The following CACNA2D3 variants were observed in gnomAD, a reference collection of about 807,000 sequenced individuals.
CACNA2D3 encodes the protein voltage-dependent calcium channel subunit alpha-2/delta-3.
Under a neutral mutation model 160.6 loss-of-function variants are expected in CACNA2D3, and 60 were observed. The ratio of observed to expected loss-of-function variants is 0.37; its 90% CI spans 0.30 to 0.46. The LOEUF (loss-of-function observed/expected upper bound fraction) is 0.46. CACNA2D3 is among the 20% of genes least tolerant of loss of function. CACNA2D3 has a pLI of 1.00. For synonymous variants in CACNA2D3, 558 were observed against 492.9 expected, an observed-to-expected ratio of 1.13 and a Z score of -1.75; for missense variants, 1,205 against 1,365.0, an observed-to-expected ratio of 0.88 and a Z score of 1.85.
intron 3 of CACNA2D3, among the ~76,000 whole-genome samples, chr3:54,327,534 C>T (rs1399681180): frequency 5.3e-5 from 8 of 152,192 alleles, no homozygotes; most frequent in East Asian, 1.9e-4. Flanking sequence ...TTGGACTAAA[C>T]GCTTTCCATT....
At chr3:54,174,532 A>G (rs1048945283) in intron 2 of CACNA2D3, among the ~76,000 whole-genome samples, 2 of 149,600 alleles carry the variant, frequency 1.3e-5, no homozygotes, top group Non-Finnish European at 3.0e-5. Context: ...AGCTTGAACT[A>G]TTTTTTTTTT....
chr3:54,300,042 C>A (rs779447598), intron 2 of CACNA2D3, among the ~76,000 whole-genome samples: 1 of 152,204 alleles, frequency 6.6e-6, no homozygotes, highest in Non-Finnish European at 1.5e-5. Context: ...AAAGGATTTT[C>A]TCTCCGATCA....
intron 11 of CACNA2D3, among the ~76,000 whole-genome samples, chr3:54,657,316 C>T (rs1219169678): frequency 6.6e-6 from 1 of 152,122 alleles, no homozygotes; most frequent in Non-Finnish European, 1.5e-5. Context: ...AGGTGATAAA[C>T]ATATTTATCA....
chr3:54,354,375 C>A (rs1472448262), intron 3 of CACNA2D3, among the ~76,000 whole-genome samples: 1 of 152,014 alleles, frequency 6.6e-6, no homozygotes, highest in Non-Finnish European at 1.5e-5. Context: ...TCAACAAGGA[C>A]TAGTGTTTCA....
At chr3:54,605,943 G>A (rs603059) in intron 9 of CACNA2D3, among the ~76,000 whole-genome samples, 115,045 of 152,086 alleles carry the variant, frequency 0.76, 44,848 homozygotes, top group Non-Finnish European at 0.84. Context: ...TCAGATTATG[G>A]TGCAGACTCC....
At chr3:54,512,880 T>G (rs2106965500) in intron 5 of CACNA2D3, among the ~76,000 whole-genome samples, 1 of 152,298 alleles carries the variant, frequency 6.6e-6, no homozygotes, top group East Asian at 1.9e-4. Flanking sequence ...TCCACATGGC[T>G]GGGGAGGCCT....
At chr3:54,714,497 C>G (rs1701015523) in intron 11 of CACNA2D3, among the ~76,000 whole-genome samples, 1 of 152,124 alleles carries the variant, frequency 6.6e-6, no homozygotes, top group Admixed American at 6.5e-5. Context: ...TTGATATACC[C>G]CAAGACTCTT....
rs531641118 is a variant in CACNA2D3 at position 54,182,886 on chromosome 3, G to T, written c.204+59292G>T. ...GAATAGAAGCCGATGCACAAATTCAGTTAACAAGCAGAGGAACTAATCTAT... is the reference window on the plus strand; with the variant it reads ...GAATAGAAGCCGATGCACAAATTCATTTAACAAGCAGAGGAACTAATCTAT... On this transcript the variant is annotated intron_variant, in intron 2 of 37. Transcript: ENST00000474759. Among the ~76,000 whole-genome samples the T allele has an allele frequency of 1.3e-4, 20 of 152,290 alleles. No homozygotes were observed. In the South Asian group the frequency reaches 4.1e-3, roughly 32 times the overall value.
chr3:54,752,556 G>A (rs562497360), intron 11 of CACNA2D3, 43 bp from the exon 12 acceptor site: 31 of 1,472,000 alleles, frequency 2.1e-5, no homozygotes, highest in South Asian at 2.0e-4. Context: ...GCAGGATGGC[G>A]AAAAGTGAAT....
intron 27 of CACNA2D3, among the ~76,000 whole-genome samples, chr3:54,951,695 C>A (rs1431291661): frequency 6.6e-6 from 1 of 152,220 alleles, no homozygotes; most frequent in Non-Finnish European, 1.5e-5. Context: ...GGTTAAGTCA[C>A]TGAACCGCCG....
At chr3:54,126,041 G>A (rs1057446111) in intron 2 of CACNA2D3, among the ~76,000 whole-genome samples, 11 of 152,156 alleles carry the variant, frequency 7.2e-5, no homozygotes, top group African/African-American at 2.7e-4. Flanking sequence ...TTGTATAATA[G>A]AGTGTAATTG....
At chr3:54,910,572 G>A (rs1575364884) in intron 27 of CACNA2D3, among the ~76,000 whole-genome samples, 1 of 152,100 alleles carries the variant, frequency 6.6e-6, no homozygotes, top group Admixed American at 6.5e-5. Context: ...GGTCTCGTTT[G>A]CTGATTCACT....
intron 3 of CACNA2D3, among the ~76,000 whole-genome samples, chr3:54,343,818 C>T (rs1698407995): frequency 1.3e-5 from 2 of 152,188 alleles, no homozygotes; most frequent in Admixed American, 6.5e-5. Flanking sequence ...ACATAGGATA[C>T]ATCTCTGCAG....
At chr3:54,715,418 A>G (rs917262109) in intron 11 of CACNA2D3, among the ~76,000 whole-genome samples, 7 of 152,108 alleles carry the variant, frequency 4.6e-5, no homozygotes, top group African/African-American at 1.7e-4. Context: ...CTCAGAACTC[A>G]GTATTTTTGA....
At chr3:54,324,119 A>G (rs1704071070) in intron 3 of CACNA2D3, among the ~76,000 whole-genome samples, 1 of 152,210 alleles carries the variant, frequency 6.6e-6, no homozygotes, top group South Asian at 2.1e-4. Context: ...GGGGAAAAAA[A>G]TGGAGTACTA....
chr3:54,998,169 C>T (rs1702900769), intron 31 of CACNA2D3, among the ~76,000 whole-genome samples: 1 of 140,882 alleles, frequency 7.1e-6, no homozygotes, highest in Non-Finnish European at 1.5e-5. Context: ...TGCTCTATTG[C>T]CCATGCCCAG....
rs2107142515 is a variant in CACNA2D3, at chr3:55,007,785, T to C, written c.2767-5T>C. 1 of 1,549,978 alleles carries C rather than the reference T, an allele frequency of 6.5e-7. No individual in the cohort carries two copies. The highest frequency in any genetic ancestry group is 2.3e-5 in the East Asian group (1 of 42,798). ...GTTTTTAATGAACTGAATTCTTCTCTTCAGCCTTATAATGCCTTCCTCTCT... is the reference window on the plus strand; with the variant it reads ...GTTTTTAATGAACTGAATTCTTCTCCTCAGCCTTATAATGCCTTCCTCTCT... On this transcript the variant is annotated splice_region_variant and splice_polypyrimidine_tract_variant and intron_variant, in intron 32 of 37. Coordinates refer to ENST00000474759, the MANE Select transcript of CACNA2D3 (RefSeq NM_018398.3).
At chr3:54,580,365 C>G (rs915126432) in intron 8 of CACNA2D3, among the ~76,000 whole-genome samples, 1 of 152,034 alleles carries the variant, frequency 6.6e-6, no homozygotes, top group African/African-American at 2.4e-5. Flanking sequence ...GGTCTAGCCC[C>G]TCTTCGACCT....
chr3:54,607,628 T>C (rs1698663157), intron 9 of CACNA2D3, among the ~76,000 whole-genome samples: 1 of 152,130 alleles, frequency 6.6e-6, no homozygotes, highest in African/African-American at 2.4e-5. Flanking sequence ...GAACGTAAAA[T>C]AGTGCAGCCA....
Sources: gnomAD v4.1 joint callset for allele counts (sites outside exome capture counted in the v4.1 genomes callset) on GRCh38, gnomAD v4.1.1 for gene constraint, MANE v1.5 for transcripts, NCBI Gene and HGNC (gene_info 2026-07-23, HGNC 2026-07-21) for gene names.